TDRD3: variants seen among roughly 807,000 people sequenced by gnomAD.
TDRD3 encodes the protein tudor domain containing 3.
Under a neutral mutation model 86.7 loss-of-function variants are expected in TDRD3, and 45 were observed. That is an observed-to-expected ratio of 0.52 (90% CI 0.41 to 0.67). The LOEUF (loss-of-function observed/expected upper bound fraction) is 0.67, where lower values mean the gene tolerates loss of function less well. TDRD3 is among the 30% of genes least tolerant of loss of function. TDRD3 has a pLI of 0.00. For missense variants in TDRD3, 814 were observed against 889.0 expected (o/e 0.92, Z 1.07); for synonymous variants, 298 against 301.7 (o/e 0.99, Z 0.13).
chr13:60,483,823 C>G lies in TDRD3; in HGVS notation c.544C>G (p.Pro182Ala). 1 of 1,613,362 alleles carries G rather than the reference C, an allele frequency of 6.2e-7. No individual in the cohort carries two copies. Among genetic ancestry groups the G allele is most frequent in the South Asian group, 1.1e-5 (1 of 90,978 alleles). The stretch of plus-strand genomic sequence containing the variant: ...CAATATTGGAACTGAAGGTGGACCA[C>G]CGCCTTTTGTGCCTTTTGGACAGGT... ...RSNIGTEGGP[P>A]PFVPFGQKCV... is the part of the protein sequence containing the mutation. Residue 182 changes from proline (P) to alanine (A), a missense_variant, in exon 6 of 14, where the codon CCG (proline) becomes GCG (alanine). Pro to Ala is a conservative substitution (Grantham distance 27, BLOSUM62 -1). Transcript: ENST00000377881.
chr13:60,513,021 G>A (rs370526156), intron 10 of TDRD3, among the ~76,000 whole-genome samples: 6 of 152,308 alleles, frequency 3.9e-5, no homozygotes, highest in Non-Finnish European at 7.4e-5. Flanking sequence ...TGAAGGGCCC[G>A]CCCCTGCAGC....
chr13:60,553,208 G>A (rs1186681737), intron 12 of TDRD3, among the ~76,000 whole-genome samples: 1 of 152,188 alleles, frequency 6.6e-6, no homozygotes, highest in Non-Finnish European at 1.5e-5. Context: ...CTTTGTGAAT[G>A]TAGATCACTG....
intron 7 of TDRD3, among the ~76,000 whole-genome samples, chr13:60,487,653 G>A (rs1434237453): frequency 6.6e-6 from 1 of 152,072 alleles, no homozygotes; most frequent in Non-Finnish European, 1.5e-5. Context: ...TGTATACCAC[G>A]TTTTCTTTAT....
intron 6 of TDRD3, 86 bp from the exon 7 acceptor site, chr13:60,485,713 T>C (rs1014539732): frequency 1.9e-6 from 2 of 1,076,274 alleles, no homozygotes; most frequent in Non-Finnish European, 2.5e-6. Flanking sequence ...AGATACAAGA[T>C]ACTTTTGAAG....
intron 4 of TDRD3, among the ~76,000 whole-genome samples, chr13:60,463,171 C>T (rs529385302): frequency 4.6e-5 from 7 of 151,960 alleles, no homozygotes; most frequent in Admixed American, 2.6e-4. Context: ...TCAAGGCGGG[C>T]GGATCACCTG....
At chr13:60,527,784 T>A (rs1566274545) in intron 10 of TDRD3, among the ~76,000 whole-genome samples, 1 of 152,132 alleles carries the variant, frequency 6.6e-6, no homozygotes, top group Non-Finnish European at 1.5e-5. Context: ...CTTTAACAGA[T>A]CAAGAAAATT....
chr13:60,471,116 G>T (rs1027720258), intron 5 of TDRD3, among the ~76,000 whole-genome samples: 2 of 152,048 alleles, frequency 1.3e-5, no homozygotes, highest in Non-Finnish European at 2.9e-5. Context: ...CCCATGTGTT[G>T]CCTTTTCACT....
intron 3 of TDRD3, among the ~76,000 whole-genome samples, chr13:60,459,643 C>T (rs7339393): frequency 0.1 from 15,857 of 152,138 alleles, 1,021 homozygotes; most frequent in African/African-American, 0.18. Flanking sequence ...TGTGTTGAGA[C>T]GGAGTCTCGC....
intron 1 of TDRD3, among the ~76,000 whole-genome samples, chr13:60,430,574 A>G (rs1471595285): frequency 2.0e-5 from 3 of 152,166 alleles, no homozygotes; most frequent in Admixed American, 6.6e-5. Context: ...AAGTAAAAAT[A>G]TCTAGGCCTT....
rs1350007677 is a variant in TDRD3 at position 60,528,674 on chromosome 13, T to C, written c.1449T>C (p.Thr483=). ...PYSRYDRTKD[T]SYPLGSQHSD... ...CTAGATATGACAGAACTAAAGATAC[T>C]TCATATCCTTTAGGTTCTCAGCATA... is the stretch of plus-strand genomic sequence containing the variant. Residue 483 remains threonine, a synonymous_variant, in exon 11 of 14, where the codon ACT becomes ACC. Transcript: ENST00000377881. 2 of 1,613,668 alleles carry C rather than the reference T, an allele frequency of 1.2e-6. No individual in the cohort carries two copies. Among genetic ancestry groups the C allele is most frequent in the Non-Finnish European group, 1.7e-6 (2 of 1,179,832 alleles).
At chr13:60,550,382 T>C (rs1338475970) in intron 12 of TDRD3, among the ~76,000 whole-genome samples, 1 of 152,118 alleles carries the variant, frequency 6.6e-6, no homozygotes, top group Non-Finnish European at 1.5e-5. Flanking sequence ...TGTGAAAATA[T>C]TTGTATTAGT....
chr13:60,461,243 C>G (rs1955796535), intron 4 of TDRD3, among the ~76,000 whole-genome samples: 1 of 151,968 alleles, frequency 6.6e-6, no homozygotes, highest in Non-Finnish European at 1.5e-5. Context: ...GTTTTATAGG[C>G]TAATAAATTT....
At chr13:60,505,949 A>G (rs1261975719) in intron 8 of TDRD3, among the ~76,000 whole-genome samples, 2 of 152,250 alleles carry the variant, frequency 1.3e-5, no homozygotes, top group Non-Finnish European at 2.9e-5. Flanking sequence ...CCAAGTTGGA[A>G]AACACACTTC....
intron 1 of TDRD3, among the ~76,000 whole-genome samples, chr13:60,418,506 G>C (rs1478559715): frequency 6.6e-6 from 1 of 151,942 alleles, no homozygotes; most frequent in Non-Finnish European, 1.5e-5. Context: ...GAATTCTTGG[G>C]ACTAGTACAG....
At chr13:60,511,986 C>T (rs1033134291) in intron 10 of TDRD3, among the ~76,000 whole-genome samples, 1 of 152,144 alleles carries the variant, frequency 6.6e-6, no homozygotes, top group African/African-American at 2.4e-5. Context: ...GATTTCCTTT[C>T]ATCCTCCTGT....
chr13:60,567,346 T>C (rs1218055376), intron 12 of TDRD3, among the ~76,000 whole-genome samples, 179 bp from the exon 13 acceptor site: 1 of 152,000 alleles, frequency 6.6e-6, no homozygotes, highest in Non-Finnish European at 1.5e-5. Flanking sequence ...TCCCTGCCTT[T>C]TTCTTTTCTT....
At chr13:60,489,497 G>A (rs1956531247) in intron 7 of TDRD3, among the ~76,000 whole-genome samples, 1 of 152,174 alleles carries the variant, frequency 6.6e-6, no homozygotes, top group Non-Finnish European at 1.5e-5. Context: ...TCACAGGCTG[G>A]AAGCATATCC....
intron 5 of TDRD3, among the ~76,000 whole-genome samples, chr13:60,471,875 A>T (rs1956082219): frequency 6.6e-6 from 1 of 151,872 alleles, no homozygotes; most frequent in Non-Finnish European, 1.5e-5. Context: ...TTCTTGCCTT[A>T]TTTAGCCCTG....
At position 60,511,404 on chromosome 13, in the gene TDRD3, T is replaced by G. The variant is rs1294774246; in HGVS notation, c.1141+649T>G. On this transcript the variant is annotated intron_variant, in intron 10 of 13. Coordinates refer to ENST00000377881, the MANE Select transcript of TDRD3 (RefSeq NM_001146070.2). Reference sequence around the variant, plus strand: ...TGCTTTTATAACAAATATGAAATGTTCAGATTTCATAAAAATTGAAGCATG... The same window carrying G: ...TGCTTTTATAACAAATATGAAATGTGCAGATTTCATAAAAATTGAAGCATG... Among the ~76,000 whole-genome samples the G allele has an allele frequency of 5.3e-5, 8 of 152,324 alleles. No homozygotes were observed. In the South Asian group the frequency reaches 1.7e-3, roughly 32 times the overall value.
Sources: gnomAD v4.1 joint callset for allele counts (sites outside exome capture counted in the v4.1 genomes callset) on GRCh38, gnomAD v4.1.1 for gene constraint, MANE v1.5 for transcripts, NCBI Gene and HGNC (gene_info 2026-07-23, HGNC 2026-07-21) for gene names.